The following CENPW variants were observed in gnomAD, a reference collection of about 807,000 sequenced individuals.
CENPW encodes centromere protein W.
CENPW carries 3 observed loss-of-function variants against 11.1 expected under a neutral mutation model. That is an observed-to-expected ratio of 0.27 (90% CI 0.12 to 0.70). The LOEUF is 0.70. CENPW is among the 30% of genes least tolerant of loss of function. The pLI is 0.77. For missense variants in CENPW, 100 were observed against 105.6 expected, an observed-to-expected ratio of 0.95 and a Z score of 0.23; for synonymous variants, 38 against 42.0, an observed-to-expected ratio of 0.91 and a Z score of 0.37.
the CENPW span, among the ~76,000 whole-genome samples, chr6:126,394,475 A>G: frequency 1.3e-5 from 2 of 152,026 alleles, no homozygotes; most frequent in African/African-American, 4.8e-5. Flanking sequence ...TTGTGTCTAT[A>G]TCTTATTTTA....
the CENPW span, among the ~76,000 whole-genome samples, chr6:126,446,528 G>A: frequency 6.6e-6 from 1 of 151,052 alleles, no homozygotes; most frequent in African/African-American, 2.4e-5. Context: ...AACAGAGCTA[G>A]TATTCACTAT....
At chr6:126,449,238 A>G in the CENPW span, among the ~76,000 whole-genome samples, 14 of 151,296 alleles carry the variant, frequency 9.3e-5, no homozygotes, top group East Asian at 2.7e-3. Flanking sequence ...ATTTCATTAG[A>G]GATGATATTA....
At chr6:126,409,227 G>C in the CENPW span, among the ~76,000 whole-genome samples, 1 of 152,058 alleles carries the variant, frequency 6.6e-6, no homozygotes, top group African/African-American at 2.4e-5. Context: ...CCATATATTT[G>C]TACCTTTCAA....
At chr6:126,380,304 G>C in the CENPW span, among the ~76,000 whole-genome samples, 1,096 of 152,264 alleles carry the variant, frequency 7.2e-3, 14 homozygotes, top group African/African-American at 0.025. Context: ...GCTGAAGCTG[G>C]AATAAGGCTG....
the CENPW span, among the ~76,000 whole-genome samples, chr6:126,430,448 T>C: frequency 1.3e-5 from 2 of 152,176 alleles, no homozygotes; most frequent in Admixed American, 1.3e-4. Flanking sequence ...ACCAGCATAA[T>C]TTAAATAATT....
the CENPW span, among the ~76,000 whole-genome samples, chr6:126,401,087 T>G: frequency 6.6e-6 from 1 of 152,132 alleles, no homozygotes; most frequent in African/African-American, 2.4e-5. Context: ...CCTCTTACTT[T>G]TTTTGTCCCC....
chr6:126,445,317 G>T, the CENPW span, among the ~76,000 whole-genome samples: 2 of 151,150 alleles, frequency 1.3e-5, no homozygotes, highest in African/African-American at 4.8e-5. Context: ...TTCAGCTACA[G>T]ATGTTGGCCA....
chr6:126,354,489 C>T, the CENPW span, among the ~76,000 whole-genome samples: 1 of 152,022 alleles, frequency 6.6e-6, no homozygotes, highest in Non-Finnish European at 1.5e-5. Context: ...TACTTTTGTA[C>T]CAACATAATA....
the CENPW span, among the ~76,000 whole-genome samples, chr6:126,474,233 A>G: frequency 6.6e-6 from 1 of 152,002 alleles, no homozygotes; most frequent in South Asian, 2.1e-4. Context: ...AAAGATGCCC[A>G]TTTCCATTAC....
chr6:126,457,351 T>C, the CENPW span, among the ~76,000 whole-genome samples: 1 of 151,430 alleles, frequency 6.6e-6, no homozygotes, highest in Non-Finnish European at 1.5e-5. Flanking sequence ...GAAAATGTGG[T>C]ACATATACAC....
the CENPW span, among the ~76,000 whole-genome samples, chr6:126,437,026 T>C: frequency 6.6e-6 from 1 of 151,940 alleles, no homozygotes; most frequent in East Asian, 1.9e-4. Flanking sequence ...AGCTTTTTTT[T>C]TTTCATTCAT....
chr6:126,439,931 C>T, the CENPW span, among the ~76,000 whole-genome samples: 2 of 151,734 alleles, frequency 1.3e-5, no homozygotes, highest in East Asian at 1.9e-4. Context: ...TCCTATTCTT[C>T]AGCTCATAGG....
the CENPW span, among the ~76,000 whole-genome samples, chr6:126,442,421 T>G: frequency 6.6e-6 from 1 of 151,466 alleles, no homozygotes; most frequent in East Asian, 1.9e-4. Flanking sequence ...ATCAGCAGAA[T>G]AAACAGACAA....
chr6:126,450,986 T>C, the CENPW span, among the ~76,000 whole-genome samples: 1 of 150,930 alleles, frequency 6.6e-6, no homozygotes, highest in Non-Finnish European at 1.5e-5. Flanking sequence ...CAATTCTATG[T>C]AACCCAGAAG....
At chr6:126,411,550 T>C in the CENPW span, among the ~76,000 whole-genome samples, 1 of 152,130 alleles carries the variant, frequency 6.6e-6, no homozygotes, top group Non-Finnish European at 1.5e-5. Flanking sequence ...AAGTTCACTC[T>C]CTGTATCAGG....
At chr6:126,402,074 A>G in the CENPW span, among the ~76,000 whole-genome samples, 1 of 152,032 alleles carries the variant, frequency 6.6e-6, no homozygotes, top group East Asian at 1.9e-4. Flanking sequence ...GGTTTAAGTT[A>G]GTTTGAGATT....
chr6:126,411,573 C>T, the CENPW span, among the ~76,000 whole-genome samples: 2 of 152,112 alleles, frequency 1.3e-5, no homozygotes, highest in East Asian at 3.9e-4. Flanking sequence ...CAGATGTGGA[C>T]TTCCCACAGG....
the CENPW span, among the ~76,000 whole-genome samples, chr6:126,409,037 A>T: frequency 3.9e-5 from 6 of 152,148 alleles, no homozygotes; most frequent in South Asian, 8.3e-4. Flanking sequence ...GAGATGCATC[A>T]TTCAGTCGTT....
At chr6:126,464,130 G>A in the CENPW span, among the ~76,000 whole-genome samples, 30 of 152,172 alleles carry the variant, frequency 2.0e-4, no homozygotes, top group African/African-American at 7.0e-4. Context: ...ACGATCAAAT[G>A]TGATTTACCC....
Sources: gnomAD v4.1 joint callset for allele counts (sites outside exome capture counted in the v4.1 genomes callset) on GRCh38, gnomAD v4.1.1 for gene constraint, MANE v1.5 for transcripts, NCBI Gene and HGNC (gene_info 2026-07-23, HGNC 2026-07-21) for gene names.